TTN: variants seen among roughly 807,000 people sequenced by gnomAD.
TTN encodes the protein connectin.
A neutral mutation model predicts 3,223.0 loss-of-function variants in TTN; 1,525 were observed. The ratio of observed to expected loss-of-function variants is 0.47; its 90% CI spans 0.45 to 0.49. The LOEUF is 0.49. Among genes scored for constraint, TTN ranks in the 20% least tolerant of loss-of-function variants. The pLI is 0.00. For synonymous variants in TTN, 14,094 were observed against 15,161.0 expected (o/e 0.93, Z 5.17); for missense variants, 40,786 against 43,424.0 (o/e 0.94, Z 5.40).
At chr2:178,596,134 G>A (rs558008056) in intron 294 of TTN, among the ~76,000 whole-genome samples, 149 of 151,916 alleles carry the variant, frequency 9.8e-4, no homozygotes, top group Non-Finnish European at 1.9e-3. Context: ...GGGACTACAG[G>A]CATGTGCCAC....
In TTN at chr2:178,697,216, T is replaced by C. The variant is rs765939607; in HGVS notation, c.30755-48A>G. The C allele has an allele frequency of 1.5e-5, 22 of 1,422,350 alleles. No individual in the cohort carries two copies. The East Asian group carries it at 3.5e-4, about 23-fold the overall frequency. 88.1% of individuals were successfully genotyped at this position (1,422,350 alleles called of 1,614,324 possible). A position where few individuals can be genotyped will look rare whatever the true frequency, so the allele number is the denominator to read the frequency against. On this transcript the variant is annotated intron_variant, in intron 112 of 362. Transcript: ENST00000589042. The stretch of plus-strand genomic sequence containing the variant: ...ATGTGTGTTTATTTTTAGATTACAT[T>C]ATTATTAATGTTTACTAATCCTCCA...
chr2:178,640,472 T>C (rs2061095045), intron 221 of TTN, 69 bp downstream of exon 221: 9 of 1,342,606 alleles, frequency 6.7e-6, no homozygotes, highest in Non-Finnish European at 9.5e-6. Flanking sequence ...TTGATGTCAG[T>C]GTAATGATAT....
In TTN at chr2:178,758,969, G is replaced by C. The variant is rs2088184039; in HGVS notation, c.10303+15C>G. On this transcript the variant is annotated intron_variant, in intron 44 of 362. Coordinates refer to ENST00000589042, the MANE Select transcript of TTN (RefSeq NM_001267550.2). Reference sequence around the variant, plus strand: ...TCTATATTTAAATGGGGTTCTGAAAGTTGTTTTACTTTACCTTCCAGACTC... The same window carrying C: ...TCTATATTTAAATGGGGTTCTGAAACTTGTTTTACTTTACCTTCCAGACTC... 2 of 1,612,962 alleles carry C rather than the reference G, an allele frequency of 1.2e-6. No homozygotes were observed. Among genetic ancestry groups the C allele is most frequent in the African/African-American group, 2.7e-5 (2 of 74,896 alleles).
In TTN at chr2:178,548,639, A is replaced by G. The variant is rs751341499; in HGVS notation, c.92987T>C (p.Leu30996Pro). The change falls in exon 339 of 363, where the codon CTT (leucine) becomes CCT (proline). Residue 30996 changes from leucine to proline, a missense_variant. By Grantham distance (98) the Leu-to-Pro change is moderately conservative. Coordinates refer to ENST00000589042, the MANE Select transcript of TTN (RefSeq NM_001267550.2). This position sits in a 1 kb window ranked among gnomAD's most constrained non-coding sequence, Gnocchi z 4.3. ...ACTACCACTGTTGTTTTCCACAGTA[A>G]GGGTATATTTCCCTGCATCATTTCT... ...CNRNDAGKYTLTVENNSGSKS... is the reference protein window; with the variant it reads ...CNRNDAGKYTPTVENNSGSKS... 5.0e-6 allele frequency: 8 copies of G among 1,613,890 alleles called. No individual in the cohort carries two copies. The highest frequency in any genetic ancestry group is 5.1e-6 in the Non-Finnish European group (6 of 1,179,810).
At chr2:178,613,587 G>A (rs2056744582) in intron 263 of TTN, among the ~76,000 whole-genome samples, 164 bp downstream of exon 263, 1 of 151,838 alleles carries the variant, frequency 6.6e-6, no homozygotes, top group Non-Finnish European at 1.5e-5. Flanking sequence ...CCCTTGAATG[G>A]AATTTATATA....
chr2:178,639,647 TTTA>T, intron 223 of TTN, 49 bp downstream of exon 223: 1 of 1,565,346 alleles, frequency 6.4e-7, no homozygotes, highest in Non-Finnish European at 8.8e-7. Flanking sequence ...TGTGAATACT[TTTA>T]TTAAGTCACC....
intron 47 of TTN, chr2:178,749,948 G>T: frequency 6.2e-7 from 1 of 1,613,160 alleles, no homozygotes; most frequent in African/African-American, 1.3e-5. Context: ...AGTAATATCA[G>T]ACAAAAATAC....
At position 178,784,335 on chromosome 2, in the gene TTN, C is replaced by A; in HGVS notation, c.2510G>T (p.Ser837Ile). ...EHGYEASIAG[S>I]AIATLQKELS... The stretch of plus-strand genomic sequence containing the variant: ...CTCTTTTTGTAATGTGGCAATAGCA[C>A]TACCGGCTATTGATGCCTACATGGA... The change falls in exon 16 of 363, where the codon AGT (serine) becomes ATT (isoleucine). Residue 837 changes from serine (S) to isoleucine (I), a missense_variant. By Grantham distance (142) the Ser-to-Ile change is moderately radical. Coordinates refer to ENST00000589042, the MANE Select transcript of TTN (RefSeq NM_001267550.2). 1 of 1,614,074 alleles carries A rather than the reference C, an allele frequency of 6.2e-7. No homozygotes were observed. The highest frequency in any genetic ancestry group is 8.5e-7 in the Non-Finnish European group (1 of 1,179,996).
intron 1 of TTN, 62 bp from the exon 2 acceptor site, chr2:178,804,717 G>A: frequency 6.9e-7 from 1 of 1,455,862 alleles, no homozygotes; most frequent in African/African-American, 1.4e-5. Flanking sequence ...GAGCTGCTTT[G>A]CAGATAGCAG....
chr2:178,740,354 T>C lies in TTN; in HGVS notation c.12879A>G (p.Ser4293=). ...SQVNYEPLVP[S]EHSCTEGGKI... ...TACCTCCTTCTGTGCATGAGTGTTC[T>C]GAAGGGACTAGGGGCTCATAGTTTA... The change falls in exon 48 of 363, where the codon TCA becomes TCG. Residue 4293 remains serine (S), a synonymous_variant. Transcript: ENST00000589042. 6.2e-7 allele frequency: 1 copy of C among 1,613,756 alleles called. No individual in the cohort carries two copies. Among genetic ancestry groups the C allele is most frequent in the Non-Finnish European group, 8.5e-7 (1 of 1,179,788 alleles).
chr2:178,607,045 G>A lies in TTN; in HGVS notation c.53557C>T (p.Pro17853Ser), dbSNP rs758554548. 6.2e-7 allele frequency: 1 copy of A among 1,610,910 alleles called. No homozygotes were observed. Among genetic ancestry groups the A allele is most frequent in the Admixed American group, 1.7e-5 (1 of 59,532 alleles). The change falls in exon 278 of 363, where the codon CCA becomes TCA. Residue 17853 changes from proline to serine, a missense_variant. Coordinates refer to ENST00000589042, the MANE Select transcript of TTN (RefSeq NM_001267550.2). ...CCTAGTGGATCAACTGCAAGAATTGGTCCTATTTCAACAGGAGGGCCACAG... is the reference window on the plus strand; with the variant it reads ...CCTAGTGGATCAACTGCAAGAATTGATCCTATTTCAACAGGAGGGCCACAG... ...FGCGPPVEIG[P>S]ILAVDPLGPP...
intron 20 of TTN, among the ~76,000 whole-genome samples, chr2:178,781,836 AT>A (rs1574750671): frequency 6.6e-6 from 1 of 152,130 alleles, no homozygotes; most frequent in Non-Finnish European, 1.5e-5. Flanking sequence ...TTACATGGCT[AT>A]TCTTCTATCT....
In TTN at chr2:178,613,160, C is replaced by A. The variant is rs2056668331; in HGVS notation, c.49648+1G>T. 1 of 1,608,336 alleles carries A rather than the reference C, an allele frequency of 6.2e-7. No homozygotes were observed. The highest frequency in any genetic ancestry group is 1.3e-5 in the African/African-American group (1 of 74,446). On this transcript the variant is annotated splice_donor_variant, in intron 264 of 362. Coordinates refer to ENST00000589042, the MANE Select transcript of TTN (RefSeq NM_001267550.2). LOFTEE classifies it high-confidence loss of function. The stretch of plus-strand genomic sequence containing the variant: ...AACCACAAAAATTATATAAATAATA[C>A]CTATGGGATCCTTTATTAAGATTGG...
rs369476725 is a variant in TTN at position 178,592,175 on chromosome 2, G to A, written c.59729C>T (p.Thr19910Ile). 7.8e-5 allele frequency: 125 copies of A among 1,612,600 alleles called. 2 individuals carry two copies. Among genetic ancestry groups the A allele is most frequent in the Middle Eastern group, 4.9e-4 (3 of 6,074 alleles). The change falls in exon 302 of 363, where the codon ACC becomes ATC. Residue 19910 changes from threonine (T) to isoleucine (I), a missense_variant. Transcript: ENST00000589042. ...EPLDDGGSVI[T>I]NYVVERRDVA... ...ATCTCTCCTCTCAACCACATAATTG[G>A]TAATAACAGAACCACCATCATCCAG...
Position 178,709,481 on chromosome 2 carries a change from G to A in TTN, c.28753+85C>T, listed in dbSNP as rs903457040. ...ATTTATATTTGTTATAACTTACTTG[G>A]TCAAGATATCATAAGAAATGCTCAT... On this transcript the variant is annotated intron_variant, in intron 99 of 362. Transcript: ENST00000589042. 5.0e-6 allele frequency: 7 copies of A among 1,388,412 alleles called. No homozygotes were observed. The African/African-American group carries it at 7.2e-5, about 14-fold the overall frequency. The allele number at this position is 1,388,412 out of a possible 1,614,324, so 86.0% of individuals were successfully genotyped here. A position where few individuals can be genotyped will look rare whatever the true frequency, so the allele number is the denominator to read the frequency against.
In TTN at chr2:178,682,910, C is replaced by T. The variant is rs781180175; in HGVS notation, c.32888-7G>A. 1.3e-6 allele frequency: 2 copies of T among 1,587,398 alleles called. No homozygotes were observed. Among genetic ancestry groups the T allele is most frequent in the Admixed American group, 3.7e-5 (2 of 54,464 alleles). On this transcript the variant is annotated splice_polypyrimidine_tract_variant and splice_region_variant and intron_variant, in intron 134 of 362. Transcript: ENST00000589042. ...TCTTCCATTATAGTTACTTCTGAAA[C>T]AATATTAACAACAGGCAGCACTTTA...
rs1559511735 is a variant in TTN, at chr2:178,582,415, CTGGTGATAGGCACAGTTGCAGA to C, written c.66019_66040del (p.Ser22007AlafsTer8). The C allele has an allele frequency of 6.2e-7, 1 of 1,612,938 alleles. No individual in the cohort carries two copies. The highest frequency in any genetic ancestry group is 1.1e-5 in the South Asian group (1 of 91,034). On this transcript the variant is annotated frameshift_variant, in exon 314 of 363. Transcript: ENST00000589042. LOFTEE classifies it high-confidence loss of function. ...CTCTATAAGTTTCTCCACGCTGCAG[CTGGTGATAGGCACAGTTGCAGA>C]GACTTGAGCCCAGTTGGGCCTGCTT...
chr2:178,682,665 G>C (rs779950878), intron 135 of TTN, 32 bp downstream of exon 135: 8 of 1,563,248 alleles, frequency 5.1e-6, no homozygotes, highest in Non-Finnish European at 6.1e-6. Flanking sequence ...CACATATTTA[G>C]TGTGGTTTTG....
chr2:178,734,222 A>C (rs2081042998), intron 52 of TTN, 106 bp downstream of exon 52: 1 of 1,372,666 alleles, frequency 7.3e-7, no homozygotes, highest in Non-Finnish European at 9.6e-7. Context: ...AGACAAAACA[A>C]ATTTAAAGGA....
Sources: allele counts gnomAD v4.1 joint callset (sites outside exome capture counted in the v4.1 genomes callset), GRCh38; gene constraint gnomAD v4.1.1; non-coding constraint Gnocchi (gnomAD v3.1); transcripts MANE v1.5; gene names NCBI Gene and HGNC (gene_info 2026-07-23, HGNC 2026-07-21).